MCUB: variants seen among roughly 807,000 people sequenced by gnomAD.
MCUB encodes the protein mitochondrial calcium uniporter dominant negative subunit beta.
In MCUB, 46 loss-of-function variants were observed where a neutral mutation model predicts 41.4. The ratio of observed to expected loss-of-function variants is 1.11; its 90% CI spans 0.88 to 1.42. The LOEUF (loss-of-function observed/expected upper bound fraction) is 1.42. Ranked by LOEUF, MCUB falls within the 40% of genes most tolerant of loss-of-function variation. MCUB has a pLI of 0.00. For missense variants in MCUB, 403 were observed against 404.9 expected, an observed-to-expected ratio of 1.00 and a Z score of 0.04; for synonymous variants, 148 against 148.2, an observed-to-expected ratio of 1.00 and a Z score of 0.01.
intron 1 of MCUB, among the ~76,000 whole-genome samples, chr4:109,567,275 G>A (rs7654187): frequency 0.022 from 3,370 of 151,966 alleles, 95 homozygotes; most frequent in African/African-American, 0.076. Context: ...CCTCTTGGGC[G>A]TAACAGTAAA....
intron 1 of MCUB, among the ~76,000 whole-genome samples, chr4:109,564,896 C>T (rs1475847844): frequency 6.6e-6 from 1 of 152,190 alleles, no homozygotes. Flanking sequence ...TACCATCTTT[C>T]TTTGAGAGAG....
chr4:109,584,318 C>T (rs1489017700), intron 1 of MCUB, among the ~76,000 whole-genome samples: 1 of 151,996 alleles, frequency 6.6e-6, no homozygotes, highest in Non-Finnish European at 1.5e-5. Flanking sequence ...TTTTTTATTG[C>T]GTCTACTTGA....
At chr4:109,612,729 A>G (rs899276325) in intron 1 of MCUB, among the ~76,000 whole-genome samples, 3 of 152,206 alleles carry the variant, frequency 2.0e-5, no homozygotes, top group Admixed American at 1.3e-4. Context: ...TATTTAATCC[A>G]TAACAGAAGA....
At chr4:109,619,989 C>T (rs1348868305) in intron 1 of MCUB, among the ~76,000 whole-genome samples, 2 of 152,106 alleles carry the variant, frequency 1.3e-5, no homozygotes, top group Non-Finnish European at 2.9e-5. Context: ...ATACCCATCC[C>T]TGCCTGCCTA....
chr4:109,607,563 A>G (rs1181985119), intron 1 of MCUB, among the ~76,000 whole-genome samples: 1 of 152,212 alleles, frequency 6.6e-6, no homozygotes, highest in Non-Finnish European at 1.5e-5. Flanking sequence ...TTTCTTGTAG[A>G]ACAGGTCTGG....
chr4:109,601,425 C>T lies in MCUB; in HGVS notation c.99+40989C>T, dbSNP rs555561015. Among the ~76,000 whole-genome samples, 9 of 151,894 alleles carry T rather than the reference C, an allele frequency of 5.9e-5. No individual in the cohort carries two copies. In the South Asian group the frequency reaches 1.5e-3, roughly 25 times the overall value. On this transcript the variant is annotated intron_variant, in intron 1 of 7. Transcript: ENST00000394650. ...CCCCTCCCAGCCTCTGGTAACCATC[C>T]TTCTACTTTCTCTCTCCATGAGTTC...
intron 4 of MCUB, among the ~76,000 whole-genome samples, chr4:109,669,657 C>A (rs1362426996): frequency 6.7e-6 from 1 of 149,850 alleles, no homozygotes; most frequent in South Asian, 2.1e-4. Context: ...ACATGTTATT[C>A]ATTTTGTGGC....
chr4:109,610,340 G>A (rs1001466153), intron 1 of MCUB, among the ~76,000 whole-genome samples: 2 of 152,040 alleles, frequency 1.3e-5, no homozygotes, highest in Non-Finnish European at 2.9e-5. Context: ...TAAATTTGGT[G>A]TTCCTGTTGG....
At chr4:109,612,506 TC>T (rs1186346488) in intron 1 of MCUB, among the ~76,000 whole-genome samples, 2 of 152,026 alleles carry the variant, frequency 1.3e-5, no homozygotes, top group Non-Finnish European at 2.9e-5. Context: ...CCTCAGGTGA[TC>T]TGACTGCCCC....
At chr4:109,612,917 T>C (rs11936187) in intron 1 of MCUB, among the ~76,000 whole-genome samples, 20,536 of 152,054 alleles carry the variant, frequency 0.14, 2,128 homozygotes, top group African/African-American at 0.29. Context: ...CCATCCTGGC[T>C]AACACGGTGA....
intron 1 of MCUB, among the ~76,000 whole-genome samples, chr4:109,610,735 C>A (rs1727992420): frequency 6.6e-6 from 1 of 152,154 alleles, no homozygotes; most frequent in South Asian, 2.1e-4. Context: ...ACCTAGATGG[C>A]ATAGCCTGTT....
At chr4:109,581,508 C>T (rs998056212) in intron 1 of MCUB, among the ~76,000 whole-genome samples, 4 of 151,926 alleles carry the variant, frequency 2.6e-5, no homozygotes, top group African/African-American at 9.7e-5. Context: ...CAGGCAATGG[C>T]AACAAAAGCC....
intron 1 of MCUB, among the ~76,000 whole-genome samples, chr4:109,589,883 G>A (rs1245807703): frequency 6.6e-6 from 1 of 152,170 alleles, no homozygotes; most frequent in Non-Finnish European, 1.5e-5. Context: ...TTCTTTATCA[G>A]ACATGGCTTT....
Position 109,682,614 on chromosome 4 carries a change from G to C in MCUB, c.484G>C (p.Glu162Gln), listed in dbSNP as rs1729742777. 6.2e-7 allele frequency: 1 copy of C among 1,612,994 alleles called. No individual in the cohort carries two copies. Among genetic ancestry groups the C allele is most frequent in the Non-Finnish European group, 8.5e-7 (1 of 1,179,564 alleles). The stretch of plus-strand genomic sequence containing the variant: ...AAGTAATGAGCACACTGCTGAGATG[G>C]AACACATGAAATCTTTGGTTCACAG... ...KPSNEHTAEM[E>Q]HMKSLVHRLF... Residue 162 changes from glutamate to glutamine, a missense_variant, in exon 5 of 8, where the codon GAA (glutamate) becomes CAA (glutamine). Physicochemically the swap from Glu to Gln is conservative, Grantham distance 29. Transcript: ENST00000394650.
chr4:109,607,027 A>G (rs970700638), intron 1 of MCUB, among the ~76,000 whole-genome samples: 1 of 152,074 alleles, frequency 6.6e-6, no homozygotes, highest in African/African-American at 2.4e-5. Flanking sequence ...GATTACAGGC[A>G]TGAGCCACCA....
intron 1 of MCUB, among the ~76,000 whole-genome samples, chr4:109,635,628 C>T (rs2126139143): frequency 6.6e-6 from 1 of 152,304 alleles, no homozygotes; most frequent in South Asian, 2.1e-4. Context: ...CTAATTTCTG[C>T]CCCACTTGGG....
chr4:109,665,025 TCTCTGCACCCCACGCCC>T (rs764464371), intron 4 of MCUB, among the ~76,000 whole-genome samples: 3 of 152,168 alleles, frequency 2.0e-5, no homozygotes, highest in Non-Finnish European at 4.4e-5. Flanking sequence ...TCCCATATGC[TCTCTGCACCCCACGCCC>T]CTTATTGTCA....
chr4:109,593,597 T>C (rs538914788), intron 1 of MCUB, among the ~76,000 whole-genome samples: 1 of 152,222 alleles, frequency 6.6e-6, no homozygotes, highest in Admixed American at 6.5e-5. Context: ...TTAGTGAAAT[T>C]TGTTTAGAAC....
intron 1 of MCUB, among the ~76,000 whole-genome samples, chr4:109,614,439 A>G (rs1182601418): frequency 2.0e-5 from 3 of 151,886 alleles, no homozygotes; most frequent in Non-Finnish European, 2.9e-5. Context: ...TTACAAGAAG[A>G]AACAGGGCAG....
Sources: gnomAD v4.1 joint callset for allele counts (sites outside exome capture counted in the v4.1 genomes callset) on GRCh38, gnomAD v4.1.1 for gene constraint, MANE v1.5 for transcripts, NCBI Gene and HGNC (gene_info 2026-07-23, HGNC 2026-07-21) for gene names.